PPP1CB: variants seen among roughly 807,000 people sequenced by gnomAD.
The protein encoded by PPP1CB is serine/threonine-protein phosphatase PP1-beta catalytic subunit.
In PPP1CB, 2 loss-of-function variants were observed where a neutral mutation model predicts 43.7. That is an observed-to-expected ratio of 0.05 (90% CI 0.02 to 0.14). PPP1CB has a LOEUF of 0.14. Ranked by LOEUF, PPP1CB falls within the 10% of genes least tolerant of loss-of-function variation. PPP1CB has a pLI of 1.00. For synonymous variants in PPP1CB, 136 were observed against 135.6 expected, an observed-to-expected ratio of 1.00 and a Z score of -0.02; for missense variants, 84 against 398.0, an observed-to-expected ratio of 0.21 and a Z score of 6.71.
chr2:28,780,029 T>C (rs1269092272), intron 3 of PPP1CB, among the ~76,000 whole-genome samples: 2 of 152,332 alleles, frequency 1.3e-5, no homozygotes, highest in East Asian at 3.9e-4. Context: ...TGTATCAGGC[T>C]TCCAATGCTT....
At chr2:28,759,283 A>C (rs1666582433) in intron 1 of PPP1CB, among the ~76,000 whole-genome samples, 1 of 152,182 alleles carries the variant, frequency 6.6e-6, no homozygotes, top group Admixed American at 6.5e-5. Flanking sequence ...TGGGAGGCCA[A>C]GGCAGGTGGA....
chr2:28,790,800 A>T (rs1667369003), intron 6 of PPP1CB, among the ~76,000 whole-genome samples: 1 of 152,258 alleles, frequency 6.6e-6, no homozygotes, highest in South Asian at 2.1e-4. Flanking sequence ...GGGAGAAGAT[A>T]AACAAATGTA....
chr2:28,765,617 T>C (rs771257528), intron 1 of PPP1CB, among the ~76,000 whole-genome samples: 1 of 152,258 alleles, frequency 6.6e-6, no homozygotes, highest in Admixed American at 6.5e-5. Flanking sequence ...GCACGGGTTA[T>C]GTATAAAGCA....
At chr2:28,789,797 C>T (rs1046825341) in intron 6 of PPP1CB, among the ~76,000 whole-genome samples, 3 of 151,754 alleles carry the variant, frequency 2.0e-5, no homozygotes, top group Admixed American at 2.0e-4. Context: ...CAGGGTTTCA[C>T]CATGTTGGCC....
At chr2:28,773,614 A>T (rs928989051) in intron 1 of PPP1CB, among the ~76,000 whole-genome samples, 1 of 152,226 alleles carries the variant, frequency 6.6e-6, no homozygotes, top group Non-Finnish European at 1.5e-5. Context: ...TCCCTCATGG[A>T]TGCTGTGATA....
intron 5 of PPP1CB, among the ~76,000 whole-genome samples, chr2:28,788,332 T>C (rs550339439): frequency 4.3e-4 from 65 of 152,346 alleles, no homozygotes; most frequent in African/African-American, 1.5e-3. Flanking sequence ...CTGGGTTGTT[T>C]GGTTATTCAT....
At chr2:28,794,608 G>A (rs13030835) in intron 7 of PPP1CB, among the ~76,000 whole-genome samples, 62,358 of 151,604 alleles carry the variant, frequency 0.41, 13,736 homozygotes, top group Non-Finnish European at 0.51. Flanking sequence ...GGAGAATGTC[G>A]TGAACCCGGG....
Position 28,771,604 on chromosome 2 carries a change from A to G in PPP1CB, c.53-5247A>G, listed in dbSNP as rs79911918. On this transcript the variant is annotated intron_variant, in intron 1 of 7. Transcript: ENST00000395366. ...TCCTGTATGGTCACCTGATTTTTCT[A>G]CAAAGCTGCCATTGCGGTTCAGTGG... Among the ~76,000 whole-genome samples the G allele has an allele frequency of 5.9e-3, 892 of 152,326 alleles. 11 individuals are homozygous for G. The highest frequency in any genetic ancestry group is 0.02 in the African/African-American group (842 of 41,576).
chr2:28,788,113 G>GT (rs1393462815), intron 5 of PPP1CB, among the ~76,000 whole-genome samples: 2 of 151,742 alleles, frequency 1.3e-5, no homozygotes, highest in Non-Finnish European at 2.9e-5. Flanking sequence ...TGTTTTTAAT[G>GT]TTTATGTGGA....
intron 5 of PPP1CB, among the ~76,000 whole-genome samples, chr2:28,785,064 G>GTTTTTTTTTTTTTTTTTTTTTTT (rs1558307639): frequency 1.1e-5 from 1 of 93,798 alleles, no homozygotes; most frequent in Admixed American, 1.0e-4. Flanking sequence ...TGTGTTAGGA[G>GTTTTTTTTTTTTTTTTTTTTTTT]CTTTTTTTTT....
intron 7 of PPP1CB, among the ~76,000 whole-genome samples, chr2:28,794,814 C>CG (rs1467455010): frequency 6.6e-6 from 1 of 151,802 alleles, no homozygotes; most frequent in Non-Finnish European, 1.5e-5. Context: ...ATACCATGTA[C>CG]GGGGGGTTGT....
intron 5 of PPP1CB, among the ~76,000 whole-genome samples, chr2:28,787,581 C>T (rs1667298158): frequency 6.6e-6 from 1 of 152,238 alleles, no homozygotes; most frequent in Non-Finnish European, 1.5e-5. Context: ...CCGTTACCCT[C>T]AATCACCAAG....
intron 5 of PPP1CB, 45 bp downstream of exon 5, chr2:28,784,023 A>G (rs1667210357): frequency 7.0e-7 from 1 of 1,423,240 alleles, no homozygotes; most frequent in East Asian, 2.3e-5. Flanking sequence ...AAGTGTTTTC[A>G]TATTTGAACT....
intron 4 of PPP1CB, 110 bp downstream of exon 4, chr2:28,781,952 C>T (rs985926700): frequency 1.3e-6 from 1 of 770,770 alleles, no homozygotes; most frequent in Non-Finnish European, 2.3e-6. Flanking sequence ...TATGAAAACT[C>T]AAGTGATTAA....
chr2:28,786,956 A>G (rs2148055627), intron 5 of PPP1CB, among the ~76,000 whole-genome samples: 1 of 152,196 alleles, frequency 6.6e-6, no homozygotes, highest in African/African-American at 2.4e-5. Flanking sequence ...TTTGTGTGCT[A>G]GTGAATTTCT....
chr2:28,780,602 G>A (rs1318558400), intron 3 of PPP1CB, among the ~76,000 whole-genome samples: 1 of 152,080 alleles, frequency 6.6e-6, no homozygotes, highest in African/African-American at 2.4e-5. Flanking sequence ...TGTCTTTGGG[G>A]ATAGAAATGA....
At chr2:28,763,130 C>G (rs1666694806) in intron 1 of PPP1CB, among the ~76,000 whole-genome samples, 1 of 152,194 alleles carries the variant, frequency 6.6e-6, no homozygotes, top group Non-Finnish European at 1.5e-5. Flanking sequence ...AAAACAGTCA[C>G]AGGAGTGCTT....
intron 1 of PPP1CB, among the ~76,000 whole-genome samples, chr2:28,754,566 A>C (rs1343700719): frequency 6.6e-6 from 1 of 152,132 alleles, no homozygotes; most frequent in Non-Finnish European, 1.5e-5. Flanking sequence ...TCTTCATCCT[A>C]CAGAAGCATA....
rs1553312779 is a variant in PPP1CB at position 28,800,226 on chromosome 2, C to CTTTCTTTCTT, written c.*926_*927insCTTTCTTTTT. On this transcript the variant is annotated 3_prime_UTR_variant, in exon 8 of 8. Transcript: ENST00000395366. ...TTGGTTTTCTTTTTCTTTTTTCTTT[C>CTTTCTTTCTT]TTTTTTTTTTTTTTTTTTTTTTTGA... 3 of 65,612 alleles carry CTTTCTTTCTT rather than the reference C, an allele frequency of 4.6e-5. No individual in the cohort carries two copies. Among genetic ancestry groups the CTTTCTTTCTT allele is most frequent in the African/African-American group, 6.3e-5 (1 of 15,792 alleles). The allele number at this position is 65,612 out of a possible 1,614,324, so 4.1% of individuals were successfully genotyped here.
Sources: allele counts gnomAD v4.1 joint callset (sites outside exome capture counted in the v4.1 genomes callset), GRCh38; gene constraint gnomAD v4.1.1; transcripts MANE v1.5; gene names NCBI Gene and HGNC (gene_info 2026-07-23, HGNC 2026-07-21).